The following NALF1 variants were observed in gnomAD, a reference collection of about 807,000 sequenced individuals.
NALF1 encodes the protein family with sequence similarity 155 member A.
A neutral mutation model predicts 48.4 loss-of-function variants in NALF1; 3 were observed. That is an observed-to-expected ratio of 0.06 (90% CI 0.03 to 0.16). NALF1 has a LOEUF of 0.16. NALF1 is among the 10% of genes least tolerant of loss of function. The pLI is 1.00. For missense variants in NALF1, 526 were observed against 571.5 expected (o/e 0.92, Z 0.81); for synonymous variants, 262 against 245.7 (o/e 1.07, Z -0.62).
chr13:107,411,594 G>A (rs142701075), intron 1 of NALF1, among the ~76,000 whole-genome samples: 2 of 152,124 alleles, frequency 1.3e-5, no homozygotes, highest in Admixed American at 6.6e-5. Flanking sequence ...CTGAGAAGCC[G>A]TCATTGTCGT....
intron 1 of NALF1, among the ~76,000 whole-genome samples, chr13:107,381,799 A>T (rs1014370461): frequency 1.3e-5 from 2 of 152,082 alleles, no homozygotes; most frequent in Non-Finnish European, 2.9e-5. Context: ...GCTACCACTC[A>T]TCCATCTCTG....
chr13:107,286,813 A>G (rs9583163), intron 1 of NALF1, among the ~76,000 whole-genome samples: 21,025 of 152,190 alleles, frequency 0.14, 1,681 homozygotes, highest in East Asian at 0.34. Flanking sequence ...ATCCCATGTT[A>G]AATTAGTCTG....
In NALF1 at chr13:107,500,632, C is replaced by CT. The variant is rs367979400; in HGVS notation, c.916-289878dup. 5.2e-4 allele frequency among the ~76,000 whole-genome samples: 79 copies of CT among 151,094 alleles called. No individual in the cohort carries two copies. In the Middle Eastern group the frequency reaches 0.014, roughly 26 times the overall value. ...TATACCCAAAGGACTATAAATCATG[C>CT]TGCTATAAAGACACATGCACACGTA... On this transcript the variant is annotated intron_variant, in intron 1 of 2. Coordinates refer to ENST00000375915, the MANE Select transcript of NALF1 (RefSeq NM_001080396.3).
chr13:107,392,434 C>A (rs980492081), intron 1 of NALF1, among the ~76,000 whole-genome samples: 2 of 152,106 alleles, frequency 1.3e-5, no homozygotes, highest in African/African-American at 4.8e-5. Context: ...AACACTCATG[C>A]ATCCTTTTCC....
chr13:107,499,795 T>C (rs1349671483), intron 1 of NALF1, among the ~76,000 whole-genome samples: 1 of 152,182 alleles, frequency 6.6e-6, no homozygotes, highest in Non-Finnish European at 1.5e-5. Context: ...TGAGTACGTA[T>C]TGTCTCTTTT....
chr13:107,453,605 T>C (rs1161706994), intron 1 of NALF1, among the ~76,000 whole-genome samples: 2 of 152,230 alleles, frequency 1.3e-5, no homozygotes, highest in African/African-American at 4.8e-5. Flanking sequence ...TGAAGACTTC[T>C]GACATGCCCT....
At chr13:107,594,298 T>C (rs1239628302) in intron 1 of NALF1, among the ~76,000 whole-genome samples, 2 of 152,212 alleles carry the variant, frequency 1.3e-5, no homozygotes, top group East Asian at 3.9e-4. Flanking sequence ...ATGTGAAAAT[T>C]AGGCACTCAA....
At chr13:107,729,537 C>A (rs749328265) in intron 1 of NALF1, among the ~76,000 whole-genome samples, 1 of 151,750 alleles carries the variant, frequency 6.6e-6, no homozygotes, top group East Asian at 1.9e-4. Context: ...AGTGCAGTGG[C>A]GCGACCTCAG....
Position 107,736,204 on chromosome 13 carries a change from C to T in NALF1, c.915+129478G>A, listed in dbSNP as rs1050759035. Among the ~76,000 whole-genome samples the T allele has an allele frequency of 1.3e-3, 7 of 5,288 alleles. 1 individual carries two copies. In the Admixed American group the frequency reaches 0.037, roughly 28 times the overall value. 3.5% of individuals were successfully genotyped at this position (5,288 alleles called of 152,430 possible). A position where few individuals can be genotyped will look rare whatever the true frequency, so the allele number is the denominator to read the frequency against. ...ATACACACACACACATACACACACA[C>T]ACACACACACACACACACACGCGCG... On this transcript the variant is annotated intron_variant, in intron 1 of 2. Coordinates refer to ENST00000375915, the MANE Select transcript of NALF1 (RefSeq NM_001080396.3).
At chr13:107,377,215 G>T (rs1252065987) in intron 1 of NALF1, among the ~76,000 whole-genome samples, 1 of 152,160 alleles carries the variant, frequency 6.6e-6, no homozygotes, top group Non-Finnish European at 1.5e-5. Flanking sequence ...CAAAAATGAG[G>T]GTTGGTGTGT....
intron 1 of NALF1, among the ~76,000 whole-genome samples, chr13:107,699,733 G>A (rs778399786): frequency 6.6e-6 from 1 of 152,034 alleles, no homozygotes; most frequent in Non-Finnish European, 1.5e-5. Flanking sequence ...AAAATTATCT[G>A]TATTTACAGA....
At chr13:107,708,676 C>T (rs1397657841) in intron 1 of NALF1, among the ~76,000 whole-genome samples, 3 of 151,480 alleles carry the variant, frequency 2.0e-5, no homozygotes, top group Non-Finnish European at 4.4e-5. Context: ...TTTGACATAA[C>T]CAATTTAACA....
chr13:107,517,283 G>C (rs545073700), intron 1 of NALF1, among the ~76,000 whole-genome samples: 55 of 152,066 alleles, frequency 3.6e-4, no homozygotes, highest in African/African-American at 1.3e-3. Flanking sequence ...CAAAATATTG[G>C]CAAACAACAT....
chr13:107,395,586 T>C (rs1883698905), intron 1 of NALF1, among the ~76,000 whole-genome samples: 1 of 152,100 alleles, frequency 6.6e-6, no homozygotes. Flanking sequence ...AGGGCTTTGG[T>C]TGGACAGCAA....
At chr13:107,812,211 G>A (rs948335484) in intron 1 of NALF1, among the ~76,000 whole-genome samples, 3 of 152,116 alleles carry the variant, frequency 2.0e-5, no homozygotes, top group Non-Finnish European at 2.9e-5. Context: ...TAGCATAAAT[G>A]CTGACATATC....
chr13:107,351,538 T>A lies in NALF1; in HGVS notation c.916-140783A>T, dbSNP rs529270769. ...GAAGAACACTTGCCCAGTAACAGCA[T>A]CTCCACCAATGAACCGACAACAACT... is the stretch of plus-strand genomic sequence containing the variant. On this transcript the variant is annotated intron_variant, in intron 1 of 2. Transcript: ENST00000375915. Among the ~76,000 whole-genome samples, 67 of 152,218 alleles carry A rather than the reference T, an allele frequency of 4.4e-4. 2 individuals are homozygous for A. In the South Asian group the frequency reaches 0.013, roughly 29 times the overall value.
intron 1 of NALF1, among the ~76,000 whole-genome samples, chr13:107,246,041 C>T (rs1161666985): frequency 6.6e-6 from 1 of 152,110 alleles, no homozygotes; most frequent in African/African-American, 2.4e-5. Flanking sequence ...CAAGCGTCCT[C>T]CTCTCTCTCC....
chr13:107,251,610 T>G (rs1298302372), intron 1 of NALF1, among the ~76,000 whole-genome samples: 1 of 152,144 alleles, frequency 6.6e-6, no homozygotes, highest in Non-Finnish European at 1.5e-5. Context: ...CAAAGAGAAC[T>G]CTTAGCTGAA....
intron 1 of NALF1, among the ~76,000 whole-genome samples, chr13:107,679,700 C>T (rs1881227593): frequency 6.6e-6 from 1 of 152,160 alleles, no homozygotes; most frequent in African/African-American, 2.4e-5. Context: ...GGTGCTGCAC[C>T]ATGGGCAACC....
Sources: allele counts gnomAD v4.1 joint callset (sites outside exome capture counted in the v4.1 genomes callset), GRCh38; gene constraint gnomAD v4.1.1; transcripts MANE v1.5; gene names NCBI Gene and HGNC (gene_info 2026-07-23, HGNC 2026-07-21).